XKR4: variants seen among roughly 807,000 people sequenced by gnomAD.
XKR4 encodes XK-related protein 4.
In XKR4, 12 loss-of-function variants were observed where a neutral mutation model predicts 53.9. The observed-to-expected ratio is 0.22, with a 90% CI of 0.14 to 0.36. The LOEUF is 0.36. Ranked by LOEUF, XKR4 falls within the 10% of genes least tolerant of loss-of-function variation. The pLI, the probability that XKR4 is intolerant of heterozygous loss-of-function variation, is 1.00. For missense variants in XKR4, 799 were observed against 859.5 expected, an observed-to-expected ratio of 0.93 and a Z score of 0.88; for synonymous variants, 354 against 362.4, an observed-to-expected ratio of 0.98 and a Z score of 0.26.
chr8:55,254,147 C>A (rs959766600), intron 1 of XKR4, among the ~76,000 whole-genome samples: 3 of 151,864 alleles, frequency 2.0e-5, no homozygotes, highest in Admixed American at 1.3e-4. Flanking sequence ...ATTCTTTAAT[C>A]GAGCCTTTCT....
chr8:55,219,360 A>T (rs1036985715), intron 1 of XKR4, among the ~76,000 whole-genome samples: 2 of 152,180 alleles, frequency 1.3e-5, no homozygotes, highest in African/African-American at 4.8e-5. Flanking sequence ...CATTCTTGGC[A>T]AAGGCTCCCC....
intron 1 of XKR4, among the ~76,000 whole-genome samples, chr8:55,288,844 A>G (rs1818943958): frequency 6.6e-6 from 1 of 152,208 alleles, no homozygotes; most frequent in Non-Finnish European, 1.5e-5. Context: ...CCCCAGTTTG[A>G]ACCATGGCAA....
At chr8:55,458,262 G>A (rs138126853) in intron 2 of XKR4, among the ~76,000 whole-genome samples, 42 of 152,210 alleles carry the variant, frequency 2.8e-4, no homozygotes, top group Non-Finnish European at 1.0e-4. Flanking sequence ...TCTTGTGAAG[G>A]GGTTGGCTTG....
At position 55,540,021 on chromosome 8, in the gene XKR4, C is replaced by G. The variant is rs1807078820; in HGVS notation, c.*15794C>G. ...CAGATGAAAAGACAAGTAGAGACAA[C>G]ATGTACTTGAGATATAAGCTATACA... On this transcript the variant is annotated 3_prime_UTR_variant, in exon 3 of 3. Coordinates refer to ENST00000327381, the MANE Select transcript of XKR4 (RefSeq NM_052898.2). 6.6e-6 allele frequency: 1 copy of G among 152,206 alleles called. No individual in the cohort carries two copies. Among genetic ancestry groups the G allele is most frequent in the South Asian group, 2.1e-4 (1 of 4,830 alleles). 9.4% of individuals were successfully genotyped at this position (152,206 alleles called of 1,614,324 possible). A position where few individuals can be genotyped will look rare whatever the true frequency, so the allele number is the denominator to read the frequency against.
chr8:55,442,983 A>G (rs1374760645), intron 2 of XKR4, among the ~76,000 whole-genome samples: 8 of 152,228 alleles, frequency 5.3e-5, no homozygotes, highest in Admixed American at 3.3e-4. Flanking sequence ...GAAAGCCTAA[A>G]TGTTCCATAA....
intron 2 of XKR4, among the ~76,000 whole-genome samples, chr8:55,485,025 A>T (rs1484567256): frequency 6.6e-6 from 1 of 152,232 alleles, no homozygotes; most frequent in Non-Finnish European, 1.5e-5. Context: ...ATATGATCAT[A>T]TCAACTGAGG....
chr8:55,249,437 C>T (rs562538862), intron 1 of XKR4, among the ~76,000 whole-genome samples: 1 of 152,306 alleles, frequency 6.6e-6, no homozygotes, highest in Admixed American at 6.5e-5. Flanking sequence ...ACCTCCTAGT[C>T]GAATCTGAAT....
intron 1 of XKR4, among the ~76,000 whole-genome samples, chr8:55,132,963 T>C (rs1444959988): frequency 6.6e-6 from 1 of 152,148 alleles, no homozygotes; most frequent in East Asian, 1.9e-4. Context: ...AGCTTAGTCC[T>C]GGCTAGGGTG....
chr8:55,127,698 C>CA (rs71256513), intron 1 of XKR4, among the ~76,000 whole-genome samples: 78,710 of 141,776 alleles, frequency 0.56, 22,706 homozygotes, highest in South Asian at 0.71. Context: ...CGTCATTTAG[C>CA]TTAGGTATAT....
intron 2 of XKR4, among the ~76,000 whole-genome samples, chr8:55,380,490 C>T (rs1220563831): frequency 1.3e-5 from 2 of 152,264 alleles, no homozygotes; most frequent in African/African-American, 4.8e-5. Context: ...AGTTCCATGA[C>T]ATCTTTCTTC....
intron 1 of XKR4, among the ~76,000 whole-genome samples, chr8:55,238,144 ATCTC>A (rs145574225): frequency 6.6e-6 from 1 of 151,058 alleles, no homozygotes; most frequent in African/African-American, 2.4e-5. Context: ...ATAGACATTT[ATCTC>A]TCTCTCTCTC....
intron 1 of XKR4, among the ~76,000 whole-genome samples, chr8:55,239,858 C>A (rs1433760019): frequency 1.3e-5 from 2 of 152,224 alleles, no homozygotes; most frequent in Non-Finnish European, 2.9e-5. Context: ...TTCAAGGCAG[C>A]TCTTGAGAAG....
intron 1 of XKR4, among the ~76,000 whole-genome samples, chr8:55,322,674 A>G (rs1252115701): frequency 6.6e-6 from 1 of 152,214 alleles, no homozygotes; most frequent in East Asian, 1.9e-4. Flanking sequence ...TACCAGTCAG[A>G]TGAGTATAGA....
intron 2 of XKR4, among the ~76,000 whole-genome samples, chr8:55,455,294 C>A (rs1000738993): frequency 1.3e-5 from 2 of 151,626 alleles, no homozygotes; most frequent in African/African-American, 4.8e-5. Flanking sequence ...GGGCTCCAGA[C>A]ACCATCTTCT....
chr8:55,522,494 A>G (rs2129405891), intron 2 of XKR4, among the ~76,000 whole-genome samples: 1 of 152,344 alleles, frequency 6.6e-6, no homozygotes, highest in African/African-American at 2.4e-5. Context: ...TTTATTTTTA[A>G]GAATGCATAA....
intron 2 of XKR4, among the ~76,000 whole-genome samples, chr8:55,444,952 G>A (rs1370335389): frequency 6.6e-6 from 1 of 151,960 alleles, no homozygotes; most frequent in Non-Finnish European, 1.5e-5. Context: ...ATTGTAAAAA[G>A]GAAAAATAAA....
chr8:55,500,197 A>C (rs982859356), intron 2 of XKR4, among the ~76,000 whole-genome samples: 4 of 149,336 alleles, frequency 2.7e-5, no homozygotes, highest in African/African-American at 9.9e-5. Flanking sequence ...AAAAAAAAAA[A>C]AAAAAAAACA....
At chr8:55,472,576 A>C (rs1043436096) in intron 2 of XKR4, among the ~76,000 whole-genome samples, 1 of 152,112 alleles carries the variant, frequency 6.6e-6, no homozygotes, top group Non-Finnish European at 1.5e-5. Flanking sequence ...GGAACCAGCA[A>C]CAAGGGGGAG....
chr8:55,286,381 G>A (rs528230614), intron 1 of XKR4, among the ~76,000 whole-genome samples: 1 of 152,316 alleles, frequency 6.6e-6, no homozygotes, highest in East Asian at 1.9e-4. Context: ...CGCAGGGTCC[G>A]TTCTTCCCCT....
Sources: allele counts gnomAD v4.1 joint callset (sites outside exome capture counted in the v4.1 genomes callset), GRCh38; gene constraint gnomAD v4.1.1; transcripts MANE v1.5; gene names NCBI Gene and HGNC (gene_info 2026-07-23, HGNC 2026-07-21).